Variants in KANSL1L observed in about 807,000 individuals in gnomAD.
KANSL1L encodes the protein KAT8 regulatory NSL complex subunit 1-like protein.
A neutral mutation model predicts 108.6 loss-of-function variants in KANSL1L; 25 were observed. That is an observed-to-expected ratio of 0.23 (90% CI 0.17 to 0.32). KANSL1L has a LOEUF of 0.32. Among genes scored for constraint, KANSL1L ranks in the 10% least tolerant of loss-of-function variants. The probability of loss-of-function intolerance (pLI) is 1.00; values close to 1 mark genes in which losing one functional copy is unlikely to be tolerated. For missense variants in KANSL1L, 1,137 were observed against 1,125.7 expected (o/e 1.01, Z -0.14); for synonymous variants, 405 against 395.1 (o/e 1.03, Z -0.30).
chr2:210,070,276 G>A (rs551696478), intron 6 of KANSL1L, among the ~76,000 whole-genome samples: 14 of 127,840 alleles, frequency 1.1e-4, no homozygotes, highest in African/African-American at 4.1e-4. Flanking sequence ...TGTCACCCAG[G>A]CTGGAGTGCA....
chr2:210,113,139 CT>C (rs1470810050), intron 3 of KANSL1L, among the ~76,000 whole-genome samples: 1 of 152,230 alleles, frequency 6.6e-6, no homozygotes, highest in Admixed American at 6.5e-5. Flanking sequence ...TAGTACCTCC[CT>C]CCTTTTATTG....
intron 6 of KANSL1L, among the ~76,000 whole-genome samples, chr2:210,051,494 T>C (rs967387937): frequency 6.6e-6 from 1 of 152,174 alleles, no homozygotes; most frequent in Non-Finnish European, 1.5e-5. Flanking sequence ...TAATTGGTTA[T>C]TACTAATGTG....
At chr2:210,107,443 G>C (rs914641955) in intron 3 of KANSL1L, among the ~76,000 whole-genome samples, 8 of 150,390 alleles carry the variant, frequency 5.3e-5, no homozygotes, top group South Asian at 2.1e-4. Flanking sequence ...ATAGGAATCT[G>C]TAATATGTTG....
chr2:210,026,330 A>G (rs746441681), intron 12 of KANSL1L: 2 of 152,200 alleles, frequency 1.3e-5, no homozygotes, highest in Non-Finnish European at 2.9e-5. Context: ...ATTTTTCCCT[A>G]TAATCTTATC....
At position 210,058,164 on chromosome 2, in the gene KANSL1L, G is replaced by A. The variant is rs544819653; in HGVS notation, c.1756-14060C>T. On this transcript the variant is annotated intron_variant, in intron 6 of 14. Transcript: ENST00000281772. ...GGAACATCCCTGAGAAAGAGAATGC[G>A]TCCCTGAGGGTAGGCCTCTGAAATG... is the stretch of plus-strand genomic sequence containing the variant. Among the ~76,000 whole-genome samples, 19 of 152,136 alleles carry A rather than the reference G, an allele frequency of 1.2e-4. No homozygotes were observed. In the East Asian group the frequency reaches 2.1e-3, roughly 17 times the overall value.
At chr2:210,153,462 C>G in intron 2 of KANSL1L, 33 bp downstream of exon 2, 1 of 1,567,844 alleles carries the variant, frequency 6.4e-7, no homozygotes. Context: ...ATATATGGAA[C>G]AGAAAATAGT....
At chr2:210,130,469 T>C (rs1469489942) in intron 2 of KANSL1L, among the ~76,000 whole-genome samples, 2 of 152,218 alleles carry the variant, frequency 1.3e-5, no homozygotes, top group Non-Finnish European at 2.9e-5. Context: ...CTTTGCTATA[T>C]AGAATTTATT....
At chr2:210,083,851 T>G (rs913403739) in intron 5 of KANSL1L, among the ~76,000 whole-genome samples, 5 of 134,608 alleles carry the variant, frequency 3.7e-5, no homozygotes, top group Non-Finnish European at 8.0e-5. Flanking sequence ...AAAAAAAAAG[T>G]AAGAAACTAA....
intron 1 of KANSL1L, among the ~76,000 whole-genome samples, chr2:210,169,702 T>C (rs1688212867): frequency 6.6e-6 from 1 of 152,126 alleles, no homozygotes; most frequent in Non-Finnish European, 1.5e-5. Context: ...ATTAAAACCA[T>C]GAGGAAATGG....
At chr2:210,152,202 C>G (rs1031589673) in intron 2 of KANSL1L, 2 of 152,110 alleles carry the variant, frequency 1.3e-5, no homozygotes, top group Non-Finnish European at 2.9e-5. Flanking sequence ...ACTTCTTTCC[C>G]CCAAAATGCT....
chr2:210,053,679 G>C (rs1002279736), intron 6 of KANSL1L, among the ~76,000 whole-genome samples: 10 of 151,308 alleles, frequency 6.6e-5, no homozygotes, highest in Admixed American at 2.6e-4. Context: ...AACCCAAAAA[G>C]TATAATGAAA....
chr2:210,093,352 G>T (rs1295465118), intron 5 of KANSL1L, among the ~76,000 whole-genome samples: 1 of 152,144 alleles, frequency 6.6e-6, no homozygotes, highest in African/African-American at 2.4e-5. Flanking sequence ...TGCCACGTTG[G>T]CCAGGCTGGT....
chr2:210,058,229 T>C (rs1419888812), intron 6 of KANSL1L, among the ~76,000 whole-genome samples: 1 of 152,130 alleles, frequency 6.6e-6, no homozygotes, highest in Non-Finnish European at 1.5e-5. Flanking sequence ...GTCGAAGCTG[T>C]GGGGATGAAA....
At chr2:210,033,070 A>G (rs1420998366) in intron 8 of KANSL1L, 2 of 151,456 alleles carry the variant, frequency 1.3e-5, no homozygotes, top group African/African-American at 4.8e-5. Context: ...GATGGAACAG[A>G]GTGATAGAAA....
rs1289495087 is a variant in KANSL1L, at chr2:210,107,551, CAG to C, written c.1231-3252_1231-3251del. ...ATATATATATTTTTTTTTTTTGAGA[CAG>C]AGTCTTGTTCTATTGCCCAGGCTGG... On this transcript the variant is annotated intron_variant, in intron 3 of 14. Coordinates refer to ENST00000281772, the MANE Select transcript of KANSL1L (RefSeq NM_152519.4). Among the ~76,000 whole-genome samples the C allele has an allele frequency of 9.5e-5, 14 of 147,102 alleles. 1 individual carries two copies. The East Asian group carries it at 1.6e-3, about 17-fold the overall frequency.
In KANSL1L at chr2:210,044,512, CAT is replaced by C. The variant is rs2094202321; in HGVS notation, c.1756-410_1756-409del. 6.6e-6 allele frequency among the ~76,000 whole-genome samples: 1 copy of C among 151,140 alleles called. No individual in the cohort carries two copies. Among genetic ancestry groups the C allele is most frequent in the Non-Finnish European group, 1.5e-5 (1 of 67,912 alleles). ...AATGAATAAAAATGATCAAAGGAGA[CAT>C]ATGTGTTTTGTTCCTGATTGTAATG... On this transcript the variant is annotated intron_variant, in intron 6 of 14. Coordinates refer to ENST00000281772, the MANE Select transcript of KANSL1L (RefSeq NM_152519.4). This position sits in a 1 kb window ranked among gnomAD's most constrained non-coding sequence, Gnocchi z 4.2.
intron 2 of KANSL1L, among the ~76,000 whole-genome samples, chr2:210,138,425 T>C (rs920217712): frequency 1.3e-5 from 2 of 152,066 alleles, no homozygotes; most frequent in Admixed American, 6.6e-5. Context: ...TCATGGAATA[T>C]ACACATGTAA....
intron 5 of KANSL1L, among the ~76,000 whole-genome samples, chr2:210,087,830 C>T (rs1048351901): frequency 3.9e-5 from 6 of 152,182 alleles, no homozygotes; most frequent in South Asian, 2.1e-4. Flanking sequence ...TTCAGATTGC[C>T]GTGCAGGATC....
intron 7 of KANSL1L, among the ~76,000 whole-genome samples, chr2:210,042,554 C>T (rs989733398): frequency 6.6e-6 from 1 of 152,024 alleles, no homozygotes; most frequent in African/African-American, 2.4e-5. Context: ...CATTTATTAG[C>T]CGAGTAATCT....
Sources: allele counts gnomAD v4.1 joint callset (sites outside exome capture counted in the v4.1 genomes callset), GRCh38; gene constraint gnomAD v4.1.1; non-coding constraint Gnocchi (gnomAD v3.1); transcripts MANE v1.5; gene names NCBI Gene and HGNC (gene_info 2026-07-23, HGNC 2026-07-21).